The following PDE3B variants were observed in gnomAD, a reference collection of about 807,000 sequenced individuals.
PDE3B encodes phosphodiesterase 3B.
In PDE3B, 66 loss-of-function variants were observed where a neutral mutation model predicts 116.8. That is an observed-to-expected ratio of 0.56 (90% confidence interval 0.46 to 0.69). PDE3B has a LOEUF of 0.69. Among genes scored for constraint, PDE3B ranks in the 30% least tolerant of loss-of-function variants. PDE3B has a pLI of 0.00. For synonymous variants in PDE3B, 595 were observed against 533.6 expected (o/e 1.12, Z -1.59); for missense variants, 1,384 against 1,368.1 (o/e 1.01, Z -0.18).
chr11:14,832,224 C>T (rs972737660), intron 9 of PDE3B, among the ~76,000 whole-genome samples: 5 of 151,860 alleles, frequency 3.3e-5, no homozygotes, highest in South Asian at 2.1e-4. Context: ...CTGATGGGTC[C>T]GCATAACAGC....
At chr11:14,795,947 A>G (rs1050983437) in intron 4 of PDE3B, among the ~76,000 whole-genome samples, 5 of 152,098 alleles carry the variant, frequency 3.3e-5, no homozygotes, top group Non-Finnish European at 5.9e-5. Flanking sequence ...ACATAGGTAT[A>G]CACGTGCCAT....
intron 4 of PDE3B, among the ~76,000 whole-genome samples, chr11:14,798,161 A>C (rs1478383373): frequency 6.6e-6 from 1 of 152,206 alleles, no homozygotes; most frequent in African/African-American, 2.4e-5. Flanking sequence ...ATTTTGTCAA[A>C]GGACTTTTGT....
chr11:14,725,233 C>T lies in PDE3B; in HGVS notation c.979-46704C>T, dbSNP rs979081924. Among the ~76,000 whole-genome samples, 3 of 152,130 alleles carry T rather than the reference C, an allele frequency of 2.0e-5. No homozygotes were observed. The East Asian group carries it at 5.8e-4, about 29-fold the overall frequency. Reference sequence around the variant, plus strand: ...CACCCAAATTGGCAGGCTCAAACTTCCAGCAGCTTTTTTCTTTCTTTCGTT... The same window carrying T: ...CACCCAAATTGGCAGGCTCAAACTTTCAGCAGCTTTTTTCTTTCTTTCGTT... On this transcript the variant is annotated intron_variant, in intron 1 of 15. Coordinates refer to ENST00000282096, the MANE Select transcript of PDE3B (RefSeq NM_000922.4).
intron 15 of PDE3B, among the ~76,000 whole-genome samples, chr11:14,868,239 A>G (rs976579406): frequency 1.3e-5 from 2 of 152,222 alleles, no homozygotes; most frequent in Non-Finnish European, 2.9e-5. Context: ...TACTCTTCAC[A>G]GTACCTGTGC....
At chr11:14,826,124 T>A (rs1451713579) in intron 7 of PDE3B, among the ~76,000 whole-genome samples, 3 of 152,076 alleles carry the variant, frequency 2.0e-5, no homozygotes, top group African/African-American at 4.8e-5. Flanking sequence ...AAGGCAGTGT[T>A]AAGAGGGAAA....
intron 2 of PDE3B, among the ~76,000 whole-genome samples, chr11:14,783,213 G>A (rs572928763): frequency 1.3e-5 from 2 of 152,350 alleles, no homozygotes; most frequent in East Asian, 1.9e-4. Context: ...ATTGCTGAAG[G>A]ATCTGGAACT....
the PDE3B span, among the ~76,000 whole-genome samples, chr11:14,883,866 C>T: frequency 2.6e-5 from 4 of 152,076 alleles, no homozygotes; most frequent in Non-Finnish European, 4.4e-5. Context: ...AACAAGTGGG[C>T]GAAGGACATG....
chr11:14,853,273 G>C (rs1489569848), intron 12 of PDE3B, among the ~76,000 whole-genome samples: 1 of 151,946 alleles, frequency 6.6e-6, no homozygotes, highest in East Asian at 1.9e-4. Flanking sequence ...TATGTACTTT[G>C]TTTTTTATAT....
At chr11:14,796,102 A>G (rs1858543076) in intron 4 of PDE3B, among the ~76,000 whole-genome samples, 1 of 151,968 alleles carries the variant, frequency 6.6e-6, no homozygotes, top group South Asian at 2.1e-4. Context: ...TTCAACTCCC[A>G]CTTATGAGTG....
intron 4 of PDE3B, among the ~76,000 whole-genome samples, chr11:14,803,687 T>C (rs1411293775): frequency 1.3e-5 from 2 of 152,218 alleles, no homozygotes; most frequent in Non-Finnish European, 2.9e-5. Flanking sequence ...ACCCATTTGT[T>C]CATTTTAGTT....
At chr11:14,741,077 G>A (rs756640877) in intron 1 of PDE3B, among the ~76,000 whole-genome samples, 7 of 152,020 alleles carry the variant, frequency 4.6e-5, no homozygotes, top group Non-Finnish European at 7.4e-5. Flanking sequence ...TGTATATTCC[G>A]TTGATTTGGG....
At chr11:14,863,401 T>C (rs1555007554) in intron 14 of PDE3B, among the ~76,000 whole-genome samples, 1 of 152,210 alleles carries the variant, frequency 6.6e-6, no homozygotes, top group African/African-American at 2.4e-5. Flanking sequence ...CATAAGAGGT[T>C]ATCCCATTGT....
intron 1 of PDE3B, among the ~76,000 whole-genome samples, chr11:14,725,287 CTT>C (rs1039952918): frequency 1.0e-3 from 156 of 149,320 alleles, no homozygotes; most frequent in African/African-American, 2.2e-3. Flanking sequence ...TTCTTTCTTT[CTT>C]TTTCTTTCTT....
intron 15 of PDE3B, among the ~76,000 whole-genome samples, chr11:14,868,140 C>CG (rs1183527200): frequency 3.3e-5 from 5 of 152,092 alleles, no homozygotes; most frequent in South Asian, 2.1e-4. Flanking sequence ...TTCTATATGC[C>CG]GGGTACTGGG....
chr11:14,891,542 A>G, the PDE3B span: 1 of 1,022,326 alleles, frequency 9.8e-7, no homozygotes, highest in Non-Finnish European at 1.2e-6. Context: ...GCTATTAACC[A>G]TCTAGAACTC....
At chr11:14,750,459 C>A (rs1857028823) in intron 1 of PDE3B, among the ~76,000 whole-genome samples, 1 of 151,986 alleles carries the variant, frequency 6.6e-6, no homozygotes, top group South Asian at 2.1e-4. Flanking sequence ...TCACAGATAA[C>A]TTTATATCCA....
In PDE3B at chr11:14,777,084, G is replaced by A. The variant is rs1023052114; in HGVS notation, c.1029+5097G>A. ...ATTATAAAGAAGAAACAAATGGAAA[G>A]TATAGAGCTGAAAAATACAATAATA... On this transcript the variant is annotated intron_variant, in intron 2 of 15. Coordinates refer to ENST00000282096, the MANE Select transcript of PDE3B (RefSeq NM_000922.4). 1.2e-4 allele frequency among the ~76,000 whole-genome samples: 18 copies of A among 152,280 alleles called. 1 individual carries two copies. Among genetic ancestry groups the A allele is most frequent in the African/African-American group, 4.3e-4 (18 of 41,582 alleles).
chr11:14,802,364 A>G (rs555511400), intron 4 of PDE3B, among the ~76,000 whole-genome samples: 1 of 152,220 alleles, frequency 6.6e-6, no homozygotes, highest in African/African-American at 2.4e-5. Context: ...ACTGTTCCTC[A>G]CGGCACAGTT....
intron 1 of PDE3B, among the ~76,000 whole-genome samples, chr11:14,680,233 A>G (rs1033537117): frequency 6.6e-6 from 1 of 152,058 alleles, no homozygotes; most frequent in Non-Finnish European, 1.5e-5. Context: ...ATTTTATCTC[A>G]CAGTTGCAAT....
Sources: allele counts gnomAD v4.1 joint callset (sites outside exome capture counted in the v4.1 genomes callset), GRCh38; gene constraint gnomAD v4.1.1; transcripts MANE v1.5; gene names NCBI Gene and HGNC (gene_info 2026-07-23, HGNC 2026-07-21).